The following PCDHA3 variants were observed in gnomAD, a reference collection of about 807,000 sequenced individuals.
The protein encoded by PCDHA3 is protocadherin alpha 3.
A neutral mutation model predicts 62.2 loss-of-function variants in PCDHA3; 41 were observed. The observed-to-expected ratio is 0.66, with a 90% CI of 0.51 to 0.86. The LOEUF (loss-of-function observed/expected upper bound fraction) is 0.86, where lower values mean the gene tolerates loss of function less well. Among genes scored for constraint, PCDHA3 ranks in the 40% least tolerant of loss-of-function variants. PCDHA3 has a pLI of 0.00. For synonymous variants in PCDHA3, 640 were observed against 555.4 expected (o/e 1.15, Z -2.14); for missense variants, 1,304 against 1,241.2 (o/e 1.05, Z -0.76).
At chr5:140,941,957 A>G (rs1254816482) in intron 1 of PCDHA3, among the ~76,000 whole-genome samples, 1 of 152,234 alleles carries the variant, frequency 6.6e-6, no homozygotes, top group Non-Finnish European at 1.5e-5. Flanking sequence ...TGAAAACAAT[A>G]GTATCTTTAC....
intron 1 of PCDHA3, chr5:140,857,655 C>A: frequency 1.3e-6 from 2 of 1,596,728 alleles, no homozygotes; most frequent in East Asian, 2.2e-5. Context: ...CAGGTGAGCG[C>A]GCGCGATGGG....
intron 1 of PCDHA3, among the ~76,000 whole-genome samples, chr5:140,953,994 A>G (rs1464982369): frequency 6.6e-6 from 1 of 151,886 alleles, no homozygotes; most frequent in Non-Finnish European, 1.5e-5. Flanking sequence ...TTTCATGTGT[A>G]CTCATCATTC....
At position 140,848,921 on chromosome 5, in the gene PCDHA3, C is replaced by A. The variant is rs149924043; in HGVS notation, c.2394+45330C>A. The A allele has an allele frequency of 2.3e-3, 3,692 of 1,607,738 alleles. 94 individuals carry two copies. Among genetic ancestry groups the A allele is most frequent in the Middle Eastern group, 9.4e-3 (57 of 6,032 alleles). On this transcript the variant is annotated intron_variant, in intron 1 of 3. Coordinates refer to ENST00000522353, the MANE Select transcript of PCDHA3 (RefSeq NM_018906.3). ...CAGCGACACAAAAGAATCTGTTCAT[C>A]GCGGAATCCAGGCCGCTTGACTCTC...
intron 1 of PCDHA3, among the ~76,000 whole-genome samples, chr5:140,937,540 C>T (rs2091570481): frequency 2.0e-5 from 3 of 152,116 alleles, no homozygotes; most frequent in East Asian, 3.9e-4. Flanking sequence ...TTGCTTGAAC[C>T]TGCGAGGCAG....
chr5:140,955,001 A>G (rs551398126), intron 1 of PCDHA3, among the ~76,000 whole-genome samples: 101 of 152,200 alleles, frequency 6.6e-4, no homozygotes, highest in Middle Eastern at 6.8e-3. Flanking sequence ...TGGCTAGCCA[A>G]TTCTCCCAGC....
chr5:140,850,415 G>T, intron 1 of PCDHA3: 1 of 1,597,962 alleles, frequency 6.3e-7, no homozygotes, highest in Non-Finnish European at 8.6e-7. Context: ...TGGACGAAAC[G>T]GACGCACCGC....
At chr5:140,838,675 C>A (rs1006431084) in intron 1 of PCDHA3, among the ~76,000 whole-genome samples, 8 of 152,016 alleles carry the variant, frequency 5.3e-5, no homozygotes, top group Admixed American at 1.3e-4. Flanking sequence ...GTGGCACACA[C>A]CTTTAACCCC....
At chr5:140,825,048 C>T (rs1460385722) in intron 1 of PCDHA3, 1 of 151,952 alleles carries the variant, frequency 6.6e-6, no homozygotes, top group African/African-American at 2.4e-5. Flanking sequence ...TTCCCTTTCA[C>T]CTCCTTCATG....
rs143656335 is a variant in PCDHA3, at chr5:140,968,986, A to G, written c.2395-9963A>G. 244 of 1,614,206 alleles carry G rather than the reference A, an allele frequency of 1.5e-4. No individual in the cohort carries two copies. In the African/African-American group the frequency reaches 3.0e-3, roughly 20 times the overall value. On this transcript the variant is annotated intron_variant, in intron 1 of 3. Transcript: ENST00000522353. ...ACCGCTACACTGCGTATGGCACTGC[A>G]TGCTGTGGAGGCTTCTGTGGAGTAA...
intron 1 of PCDHA3, chr5:140,855,837 C>A (rs2043640312): frequency 3.3e-6 from 2 of 610,842 alleles, no homozygotes; most frequent in Non-Finnish European, 5.6e-6. Flanking sequence ...ATCGTACTTA[C>A]ACCTAAAGCC....
chr5:140,880,419 G>A (rs1554171271), intron 1 of PCDHA3, among the ~76,000 whole-genome samples: 2 of 152,106 alleles, frequency 1.3e-5, no homozygotes, highest in Non-Finnish European at 2.9e-5. Context: ...TTAAAAGCGG[G>A]AACAGTTTTT....
Position 140,805,008 on chromosome 5 carries a change from G to A in PCDHA3, c.2394+1417G>A. The stretch of plus-strand genomic sequence containing the variant: ...GTCAGTATTTTAAAAATTTAGTTCT[G>A]TTATCAGCTTCTTGAATATAATAGA... On this transcript the variant is annotated intron_variant, in intron 1 of 3. Coordinates refer to ENST00000522353, the MANE Select transcript of PCDHA3 (RefSeq NM_018906.3). The A allele has an allele frequency of 1.9e-6, 3 of 1,547,302 alleles. No homozygotes were observed. The South Asian group carries it at 3.6e-5, about 19-fold the overall frequency.
chr5:140,825,871 A>G (rs2150141676), intron 1 of PCDHA3: 9 of 152,470 alleles, frequency 5.9e-5, no homozygotes, highest in African/African-American at 2.2e-4. Flanking sequence ...TGAGTTGTTT[A>G]CAAAGAGTTG....
chr5:140,943,558 A>T (rs1328715238), intron 1 of PCDHA3, among the ~76,000 whole-genome samples: 1 of 152,194 alleles, frequency 6.6e-6, no homozygotes, highest in Non-Finnish European at 1.5e-5. Flanking sequence ...GTAGACAATA[A>T]TCATTTTAAT....
At chr5:140,823,640 G>T (rs2150127782) in intron 1 of PCDHA3, 1 of 1,613,994 alleles carries the variant, frequency 6.2e-7, no homozygotes, top group Non-Finnish European at 8.5e-7. Flanking sequence ...ATCCCGTTCC[G>T]CGTGGGGCTG....
Position 140,821,900 on chromosome 5 carries a change from C to G in PCDHA3, c.2394+18309C>G, listed in dbSNP as rs2150111777. 5 of 1,614,206 alleles carry G rather than the reference C, an allele frequency of 3.1e-6. No individual in the cohort carries two copies. Among genetic ancestry groups the G allele is most frequent in the African/African-American group, 1.3e-5 (1 of 75,068 alleles). ...ATCCCGGAGGAAGCCAAACACGGAACCTTCGTTGGCCGCATCGCGCAGGAC... is the reference window on the plus strand; with the variant it reads ...ATCCCGGAGGAAGCCAAACACGGAAGCTTCGTTGGCCGCATCGCGCAGGAC... On this transcript the variant is annotated intron_variant, in intron 1 of 3. Transcript: ENST00000522353.
Position 140,802,396 on chromosome 5 carries a change from C to T in PCDHA3, c.1199C>T (p.Thr400Ile), listed in dbSNP as rs1321170045. 2.5e-6 allele frequency: 4 copies of T among 1,614,262 alleles called. No homozygotes were observed. Among genetic ancestry groups the T allele is most frequent in the Non-Finnish European group, 3.4e-6 (4 of 1,180,048 alleles). The stretch of plus-strand genomic sequence containing the variant: ...CACGTCCCCTTCAAGCTGGTGTCCA[C>T]CTTCAAGAATTACTACTCATTGGTG... ...TPHVPFKLVSTFKNYYSLVLD... is the reference protein window; with the variant it reads ...TPHVPFKLVSIFKNYYSLVLD... Residue 400 changes from threonine (T) to isoleucine (I), a missense_variant, in exon 1 of 4, where the codon ACC (threonine) becomes ATC (isoleucine). By Grantham distance (89) the Thr-to-Ile change is moderately conservative (BLOSUM62 -1). Coordinates refer to ENST00000522353, the MANE Select transcript of PCDHA3 (RefSeq NM_018906.3).
At chr5:140,968,253 C>A (rs782229675) in intron 1 of PCDHA3, 3 of 1,613,908 alleles carry the variant, frequency 1.9e-6, no homozygotes, top group Non-Finnish European at 2.5e-6. Flanking sequence ...GCCACAGACC[C>A]AGATGAAAAG....
chr5:140,849,765 G>A, intron 1 of PCDHA3: 1 of 1,598,514 alleles, frequency 6.3e-7, no homozygotes, highest in Non-Finnish European at 8.6e-7. Context: ...CTACGAGCTG[G>A]TGGTTACCGC....
Sources: gnomAD v4.1 joint callset for allele counts (sites outside exome capture counted in the v4.1 genomes callset) on GRCh38, gnomAD v4.1.1 for gene constraint, MANE v1.5 for transcripts, NCBI Gene and HGNC (gene_info 2026-07-23, HGNC 2026-07-21) for gene names.